The following PCSK2 variants were observed in gnomAD, a reference collection of about 807,000 sequenced individuals.
The protein encoded by PCSK2 is neuroendocrine convertase 2.
PCSK2 carries 14 observed loss-of-function variants against 69.7 expected under a neutral mutation model. The ratio of observed to expected loss-of-function variants is 0.20; its 90% CI spans 0.13 to 0.31. The LOEUF (loss-of-function observed/expected upper bound fraction) is 0.31, where lower values mean the gene tolerates loss of function less well. Among genes scored for constraint, PCSK2 ranks in the 10% least tolerant of loss-of-function variants. PCSK2 has a pLI of 1.00. For missense variants in PCSK2, 544 were observed against 842.5 expected, an observed-to-expected ratio of 0.65 and a Z score of 4.39; for synonymous variants, 307 against 320.7, an observed-to-expected ratio of 0.96 and a Z score of 0.46.
At chr20:17,428,997 C>CAAAAAAAAAAAAAAAAAAAAAAAA (rs60206058) in intron 6 of PCSK2, among the ~76,000 whole-genome samples, 32 of 36,956 alleles carry the variant, frequency 8.7e-4, no homozygotes, top group Non-Finnish European at 1.0e-3. Context: ...GACTCTGTCT[C>CAAAAAAAAAAAAAAAAAAAAAAAA]AAAAAAAAAA....
chr20:17,424,532 G>A (rs919532199), intron 6 of PCSK2, among the ~76,000 whole-genome samples: 3 of 152,108 alleles, frequency 2.0e-5, no homozygotes, highest in East Asian at 1.9e-4. Context: ...TCACTCTGTC[G>A]CCCAGGCTGG....
At chr20:17,278,850 C>CT (rs60536483) in intron 2 of PCSK2, among the ~76,000 whole-genome samples, 86 of 146,804 alleles carry the variant, frequency 5.9e-4, no homozygotes, top group South Asian at 3.9e-3. Context: ...CCTCTGTTGC[C>CT]TTTTTTTTTT....
At chr20:17,418,369 G>T (rs1273014712) in intron 6 of PCSK2, among the ~76,000 whole-genome samples, 4 of 152,140 alleles carry the variant, frequency 2.6e-5, no homozygotes, top group Non-Finnish European at 4.4e-5. Context: ...AGTAGGGAAC[G>T]AATGTATCCC....
At chr20:17,454,017 G>A in intron 9 of PCSK2, 60 bp downstream of exon 9, 2 of 1,598,466 alleles carry the variant, frequency 1.3e-6, no homozygotes, top group Non-Finnish European at 1.7e-6. Flanking sequence ...GTGTCAGGGT[G>A]GGATGCTGGG....
At chr20:17,350,206 G>A (rs1418940538) in intron 2 of PCSK2, among the ~76,000 whole-genome samples, 1 of 148,756 alleles carries the variant, frequency 6.7e-6, no homozygotes, top group African/African-American at 2.5e-5. Context: ...ACATTCTGAG[G>A]TACTGGAGGT....
intron 2 of PCSK2, among the ~76,000 whole-genome samples, chr20:17,319,790 T>G (rs1989809577): frequency 6.6e-6 from 1 of 152,166 alleles, no homozygotes; most frequent in Non-Finnish European, 1.5e-5. Flanking sequence ...CTTTGAATCA[T>G]GTAAGCATGT....
intron 8 of PCSK2, among the ~76,000 whole-genome samples, chr20:17,444,374 C>T (rs1052702412): frequency 2.0e-5 from 3 of 152,214 alleles, no homozygotes; most frequent in African/African-American, 7.2e-5. Flanking sequence ...ACATCACCTA[C>T]CTGACTCCTT....
chr20:17,404,136 C>A (rs2031703723), intron 5 of PCSK2, among the ~76,000 whole-genome samples: 1 of 152,152 alleles, frequency 6.6e-6, no homozygotes, highest in African/African-American at 2.4e-5. Flanking sequence ...CCAATGCAGA[C>A]CCTAGTTGCT....
At chr20:17,444,865 G>A (rs1469606365) in intron 8 of PCSK2, among the ~76,000 whole-genome samples, 3 of 152,204 alleles carry the variant, frequency 2.0e-5, no homozygotes, top group African/African-American at 7.2e-5. Flanking sequence ...CCATTGATGA[G>A]GTTTGTTCCC....
intron 2 of PCSK2, among the ~76,000 whole-genome samples, chr20:17,344,755 C>T (rs1377777162): frequency 6.6e-6 from 1 of 151,992 alleles, no homozygotes; most frequent in African/African-American, 2.4e-5. Flanking sequence ...AAAAATGTGC[C>T]TAGAAAAACA....
At chr20:17,249,070 T>C (rs1267736085) in intron 1 of PCSK2, among the ~76,000 whole-genome samples, 1 of 152,158 alleles carries the variant, frequency 6.6e-6, no homozygotes, top group Non-Finnish European at 1.5e-5. Context: ...GGGAGCTTAG[T>C]GTGTGACCAT....
chr20:17,417,697 C>T (rs548925060), intron 6 of PCSK2, among the ~76,000 whole-genome samples: 32 of 152,094 alleles, frequency 2.1e-4, no homozygotes, highest in Non-Finnish European at 3.7e-4. Context: ...TTGAATAAAG[C>T]GTCCCTTCCA....
intron 5 of PCSK2, among the ~76,000 whole-genome samples, chr20:17,373,293 G>T (rs958950735): frequency 6.6e-6 from 1 of 152,214 alleles, no homozygotes; most frequent in Admixed American, 6.5e-5. Flanking sequence ...GCAGCTCTGG[G>T]AGACAGCATA....
At chr20:17,339,966 T>G (rs1206383858) in intron 2 of PCSK2, among the ~76,000 whole-genome samples, 1 of 152,192 alleles carries the variant, frequency 6.6e-6, no homozygotes, top group Non-Finnish European at 1.5e-5. Flanking sequence ...TTTTATAACA[T>G]CCATGCAACC....
intron 2 of PCSK2, among the ~76,000 whole-genome samples, chr20:17,336,881 G>T (rs62200976): frequency 0.079 from 12,066 of 152,162 alleles, 575 homozygotes; most frequent in East Asian, 0.19. Context: ...CTGCATCCTA[G>T]GTGTCCATGT....
chr20:17,420,329 C>T (rs969704877), intron 6 of PCSK2, among the ~76,000 whole-genome samples: 3 of 152,046 alleles, frequency 2.0e-5, no homozygotes, highest in Non-Finnish European at 2.9e-5. Context: ...TCTGAAACAC[C>T]TCCTGGATAA....
intron 11 of PCSK2, among the ~76,000 whole-genome samples, chr20:17,474,884 C>T (rs1484016742): frequency 6.6e-6 from 1 of 152,122 alleles, no homozygotes; most frequent in African/African-American, 2.4e-5. Flanking sequence ...TTCTGTATCA[C>T]CAACGATGAC....
intron 2 of PCSK2, chr20:17,263,076 T>C: frequency 1.1e-6 from 1 of 905,130 alleles, no homozygotes; most frequent in Non-Finnish European, 1.3e-6. Flanking sequence ...CTTCATCTAC[T>C]GAGGTAGCTT....
At chr20:17,354,478 C>T (rs780782797) in intron 2 of PCSK2, among the ~76,000 whole-genome samples, 5 of 152,072 alleles carry the variant, frequency 3.3e-5, no homozygotes, top group Non-Finnish European at 5.9e-5. Context: ...TTTAGACACT[C>T]GGAAATATTT....
Sources: allele counts gnomAD v4.1 joint callset (sites outside exome capture counted in the v4.1 genomes callset), GRCh38; gene constraint gnomAD v4.1.1; transcripts MANE v1.5; gene names NCBI Gene and HGNC (gene_info 2026-07-23, HGNC 2026-07-21).